MARS1: variants seen among roughly 807,000 people sequenced by gnomAD.
MARS1 encodes methionyl-tRNA synthetase 1, also known as methionine--tRNA ligase, cytoplasmic.
Under a neutral mutation model 119.5 loss-of-function variants are expected in MARS1, and 80 were observed. The ratio of observed to expected loss-of-function variants is 0.67; its 90% CI spans 0.56 to 0.81. MARS1 has a LOEUF of 0.81. Ranked by LOEUF, MARS1 falls within the 30% of genes least tolerant of loss-of-function variation. The pLI is 0.00. For synonymous variants in MARS1, 418 were observed against 433.4 expected (o/e 0.96, Z 0.44); for missense variants, 945 against 1,116.5 (o/e 0.85, Z 2.19).
At chr12:57,507,016 G>T (rs1877211824) in intron 11 of MARS1, among the ~76,000 whole-genome samples, 1 of 150,226 alleles carries the variant, frequency 6.7e-6, no homozygotes, top group South Asian at 2.1e-4. Context: ...CAGTGTTTGT[G>T]TCCCTGGGTA....
At chr12:57,492,148 G>A (rs1009988839) in intron 7 of MARS1, among the ~76,000 whole-genome samples, 28 of 151,316 alleles carry the variant, frequency 1.9e-4, no homozygotes, top group Non-Finnish European at 3.5e-4. Context: ...GCATTGTGGC[G>A]GGCACTTGTA....
At chr12:57,501,989 C>G (rs1876939439) in intron 10 of MARS1, among the ~76,000 whole-genome samples, 1 of 151,402 alleles carries the variant, frequency 6.6e-6, no homozygotes, top group Non-Finnish European at 1.5e-5. Flanking sequence ...CAAGACTGTT[C>G]CCCCTCCACC....
At chr12:57,507,569 C>T (rs1437866894) in intron 11 of MARS1, among the ~76,000 whole-genome samples, 1 of 142,206 alleles carries the variant, frequency 7.0e-6, no homozygotes, top group Non-Finnish European at 1.6e-5. Flanking sequence ...CGGGCAGAGG[C>T]GCCCCTCACC....
At chr12:57,508,729 T>C (rs958682103) in intron 11 of MARS1, among the ~76,000 whole-genome samples, 3 of 9,622 alleles carry the variant, frequency 3.1e-4, no homozygotes, top group Non-Finnish European at 1.1e-3. Flanking sequence ...AGGGAGAGCA[T>C]TTTTGTATTT....
In MARS1 at chr12:57,514,776, C is replaced by T. The variant is rs776411681; in HGVS notation, c.2024C>T (p.Thr675Ile). ...GGCTATGTGCCTGAGATGGTGCTCA[C>T]CCCTGATGATCAGCGCCTGCTGGCC... is the stretch of plus-strand genomic sequence containing the variant. ...FGGYVPEMVL[T>I]PDDQRLLAHV... Residue 675 changes from threonine to isoleucine, a missense_variant, in exon 16 of 21, where the codon ACC (threonine) becomes ATC (isoleucine). Transcript: ENST00000262027. 1.9e-6 allele frequency: 3 copies of T among 1,614,210 alleles called. No homozygotes were observed. The highest frequency in any genetic ancestry group is 2.5e-6 in the Non-Finnish European group (3 of 1,180,042).
At chr12:57,515,677 T>G (rs1464521025) in intron 18 of MARS1, among the ~76,000 whole-genome samples, 1 of 152,180 alleles carries the variant, frequency 6.6e-6, no homozygotes, top group Non-Finnish European at 1.5e-5. Context: ...AGTAAGTACA[T>G]TGCTAAACTT....
chr12:57,499,728 A>G (rs1876829581), intron 9 of MARS1, among the ~76,000 whole-genome samples: 1 of 151,958 alleles, frequency 6.6e-6, no homozygotes, highest in South Asian at 2.1e-4. Context: ...GTGAAACCCC[A>G]TCTCTACTAA....
At chr12:57,491,331 C>T (rs1875944807) in intron 7 of MARS1, among the ~76,000 whole-genome samples, 1 of 152,174 alleles carries the variant, frequency 6.6e-6, no homozygotes, top group Non-Finnish European at 1.5e-5. Flanking sequence ...AAAACCAAAC[C>T]TGTTACCTTT....
At chr12:57,512,163 G>A in intron 13 of MARS1, 60 bp downstream of exon 13, 2 of 1,601,060 alleles carry the variant, frequency 1.2e-6, no homozygotes, top group Non-Finnish European at 1.7e-6. Context: ...GTGGGTGTTA[G>A]GGTTGGGTGT....
chr12:57,505,981 G>A (rs1009459960), intron 11 of MARS1, among the ~76,000 whole-genome samples: 1 of 151,948 alleles, frequency 6.6e-6, no homozygotes, highest in African/African-American at 2.4e-5. Flanking sequence ...TGGCCTGGGT[G>A]CAGTGGCTCA....
At chr12:57,504,915 G>A (rs1485297115) in intron 11 of MARS1, among the ~76,000 whole-genome samples, 3 of 151,734 alleles carry the variant, frequency 2.0e-5, no homozygotes, top group Non-Finnish European at 4.4e-5. Context: ...TGTTGACCAG[G>A]CTGGTCTCGA....
chr12:57,516,262 G>A lies in MARS1; in HGVS notation c.2481G>A (p.Lys827=), dbSNP rs535321437. The A allele has an allele frequency of 7.6e-5, 122 of 1,614,208 alleles. 1 individual carries two copies. In the South Asian group the frequency reaches 1.3e-3, roughly 17 times the overall value. The change falls in exon 20 of 21, where the codon AAG becomes AAA. Residue 827 remains lysine, a synonymous_variant. Coordinates refer to ENST00000262027, the MANE Select transcript of MARS1 (RefSeq NM_004990.4). ...TTCTCCAGGCAAAAACGTCCCCGAA[G>A]CCAGCAGTTGTAGAGACTGTTACAA... ...FGGGQAKTSP[K]PAVVETVTTA...
intron 1 of MARS1, 53 bp from the exon 2 acceptor site, chr12:57,488,966 A>ATTTCT (rs2139996525): frequency 7.5e-7 from 1 of 1,335,784 alleles, no homozygotes; most frequent in Non-Finnish European, 1.1e-6. Flanking sequence ...TTGACAAAGT[A>ATTTCT]TTTCTTTTCT....
intron 11 of MARS1, among the ~76,000 whole-genome samples, chr12:57,504,986 G>A (rs1877114480): frequency 6.6e-6 from 1 of 151,704 alleles, no homozygotes; most frequent in Non-Finnish European, 1.5e-5. Context: ...TTACAGGTGT[G>A]AGCCACCGCA....
At chr12:57,488,837 G>A in intron 1 of MARS1, 182 bp from the exon 2 acceptor site, 1 of 766,266 alleles carries the variant, frequency 1.3e-6, no homozygotes, top group South Asian at 1.8e-5. Context: ...CTGAACACCT[G>A]CTGGCCTCTC....
At chr12:57,506,433 A>G (rs1277659774) in intron 11 of MARS1, among the ~76,000 whole-genome samples, 2 of 152,172 alleles carry the variant, frequency 1.3e-5, no homozygotes. Context: ...TGTCTCAAAA[A>G]TAAATAAATA....
Position 57,515,213 on chromosome 12 carries a change from T to G in MARS1, c.2268T>G (p.Leu756=), listed in dbSNP as rs772145322. 1 of 1,614,118 alleles carries G rather than the reference T, an allele frequency of 6.2e-7. No homozygotes were observed. Among genetic ancestry groups the G allele is most frequent in the African/African-American group, 1.3e-5 (1 of 74,942 alleles). The change falls in exon 18 of 21, where the codon CTT becomes CTG. Residue 756 remains leucine (L), a synonymous_variant. Transcript: ENST00000262027. ...VNIAALLSVM[L]QPYMPTVSAT... is the part of the protein sequence containing the mutation. Reference sequence around the variant, plus strand: ...TAGCTGCCTTGCTCTCTGTCATGCTTCAGCCTTACATGCCCACGGTTAGTG... The same window carrying G: ...TAGCTGCCTTGCTCTCTGTCATGCTGCAGCCTTACATGCCCACGGTTAGTG...
rs1298952117 is a variant in MARS1 at position 57,498,227 on chromosome 12, C to G, written c.841C>G (p.Leu281Val). The G allele has an allele frequency of 6.2e-7, 1 of 1,614,216 alleles. No individual in the cohort carries two copies. Among genetic ancestry groups the G allele is most frequent in the Non-Finnish European group, 8.5e-7 (1 of 1,180,040 alleles). ...ALPYVNNVPHLGNIIGCVLSA... is the reference protein window; with the variant it reads ...ALPYVNNVPHVGNIIGCVLSA... ...CCCTTACGTCAACAATGTCCCCCACCTTGGGAACATCATTGGTTGTGTGCT... is the reference window on the plus strand; with the variant it reads ...CCCTTACGTCAACAATGTCCCCCACGTTGGGAACATCATTGGTTGTGTGCT... Residue 281 changes from leucine (L) to valine (V), a missense_variant, in exon 8 of 21, where the codon CTT becomes GTT. Physicochemically the swap from Leu to Val is conservative, Grantham distance 32 (BLOSUM62 1). Coordinates refer to ENST00000262027, the MANE Select transcript of MARS1 (RefSeq NM_004990.4).
Position 57,514,860 on chromosome 12 carries a change from C to T in MARS1, c.2099+9C>T, listed in dbSNP as rs936487706. The T allele has an allele frequency of 1.1e-5, 18 of 1,613,442 alleles. No homozygotes were observed. In the Admixed American group the frequency reaches 1.3e-4, roughly 12 times the overall value. ...CTACTTGAGAAGGTTCGGTAAGTAA[C>T]TGACACCTCTGTCTTTTCTGCTGGC... is the stretch of plus-strand genomic sequence containing the variant. On this transcript the variant is annotated intron_variant, in intron 16 of 20. Transcript: ENST00000262027.
Sources: gnomAD v4.1 joint callset for allele counts (sites outside exome capture counted in the v4.1 genomes callset) on GRCh38, gnomAD v4.1.1 for gene constraint, MANE v1.5 for transcripts, NCBI Gene and HGNC (gene_info 2026-07-23, HGNC 2026-07-21) for gene names.